AFF2: variants seen among roughly 807,000 people sequenced by gnomAD.
AFF2 encodes the protein ALF transcription elongation factor 2.
A neutral mutation model predicts 76.9 loss-of-function variants in AFF2; 14 were observed. The observed-to-expected ratio is 0.18, with a 90% CI of 0.12 to 0.28. The LOEUF (loss-of-function observed/expected upper bound fraction) is 0.28. Among genes scored for constraint, AFF2 ranks in the 10% least tolerant of loss-of-function variants. The probability of loss-of-function intolerance (pLI) is 1.00; values close to 1 mark genes in which losing one functional copy is unlikely to be tolerated. For synonymous variants in AFF2, 398 were observed against 366.7 expected (o/e 1.09, Z -0.98); for missense variants, 868 against 1,001.1 (o/e 0.87, Z 1.79).
intron 1 of AFF2, among the ~76,000 whole-genome samples, chrX:148,536,120 G>T (rs2052782872): frequency 9.1e-6 from 1 of 109,304 alleles, no homozygotes; most frequent in Non-Finnish European, 1.9e-5. Flanking sequence ...TGAGGCAAGA[G>T]AATCGCTTGA....
intron 7 of AFF2, among the ~76,000 whole-genome samples, chrX:148,850,523 C>T (rs1158485511): frequency 9.0e-6 from 1 of 111,241 alleles, no homozygotes; most frequent in Non-Finnish European, 1.9e-5. Context: ...TGATAACACA[C>T]CCCCACACAC....
chrX:148,777,393 A>G (rs1557268680), intron 3 of AFF2, among the ~76,000 whole-genome samples: 2 of 111,977 alleles, frequency 1.8e-5, no homozygotes, highest in African/African-American at 6.5e-5. Flanking sequence ...TTCTGTGAAG[A>G]AAGTCAATGG....
chrX:148,965,286 TAGG>T (rs782781554), intron 13 of AFF2, among the ~76,000 whole-genome samples: 1 of 112,022 alleles, frequency 8.9e-6, no homozygotes, highest in Non-Finnish European at 1.9e-5. Context: ...ATACAATTAA[TAGG>T]AGTAATTAAC....
At chrX:148,833,341 G>A (rs1174021593) in intron 4 of AFF2, among the ~76,000 whole-genome samples, 1 of 111,525 alleles carries the variant, frequency 9.0e-6, no homozygotes, top group Non-Finnish European at 1.9e-5. Flanking sequence ...GGCTACACAC[G>A]CCTGTAATCC....
intron 1 of AFF2, among the ~76,000 whole-genome samples, chrX:148,632,106 T>C (rs2053987104): frequency 8.9e-6 from 1 of 112,196 alleles, no homozygotes; most frequent in African/African-American, 3.2e-5. Context: ...TGTATTGAAC[T>C]TGAATGTTAA....
chrX:148,571,036 G>C (rs2053223419), intron 1 of AFF2, among the ~76,000 whole-genome samples: 1 of 111,760 alleles, frequency 8.9e-6, no homozygotes, highest in Admixed American at 9.5e-5. Context: ...ATGTGCTGAA[G>C]GTTAAGACTT....
chrX:148,773,132 A>G (rs1201115832), intron 3 of AFF2, among the ~76,000 whole-genome samples: 1 of 111,847 alleles, frequency 8.9e-6, no homozygotes, highest in Non-Finnish European at 1.9e-5. Flanking sequence ...ATTAACAGAA[A>G]GAAAAACACT....
chrX:148,827,620 A>G (rs1176666593), intron 4 of AFF2, among the ~76,000 whole-genome samples: 2 of 111,058 alleles, frequency 1.8e-5, no homozygotes, highest in Non-Finnish European at 3.8e-5. Flanking sequence ...TTTCTGAAAC[A>G]TATAACAAAT....
At chrX:148,715,875 A>C (rs2055019993) in intron 3 of AFF2, among the ~76,000 whole-genome samples, 1 of 111,723 alleles carries the variant, frequency 9.0e-6, no homozygotes, top group African/African-American at 3.3e-5. Flanking sequence ...ACAGGAATAC[A>C]TGATTAAACA....
chrX:148,979,464 A>G (rs1363978599), intron 18 of AFF2, among the ~76,000 whole-genome samples: 1 of 112,257 alleles, frequency 8.9e-6, no homozygotes, highest in Admixed American at 9.4e-5. Context: ...CTTCTGCTTT[A>G]GAAAGTTCTT....
chrX:148,883,712 T>C (rs1433223174), intron 7 of AFF2, among the ~76,000 whole-genome samples: 1 of 111,233 alleles, frequency 9.0e-6, no homozygotes, highest in Non-Finnish European at 1.9e-5. Context: ...CTAGGTTCCA[T>C]GTTTGTCTCC....
At chrX:148,856,941 G>A (rs1375116166) in intron 7 of AFF2, among the ~76,000 whole-genome samples, 3 of 112,312 alleles carry the variant, frequency 2.7e-5, no homozygotes, top group Non-Finnish European at 3.8e-5. Context: ...TGGGCAAATT[G>A]TTCCTGTTGC....
intron 3 of AFF2, among the ~76,000 whole-genome samples, chrX:148,681,650 GAGAA>G (rs782354205): frequency 9.2e-4 from 91 of 98,662 alleles, no homozygotes; most frequent in Non-Finnish European, 1.6e-3. Flanking sequence ...GAAAAAGAAA[GAGAA>G]AGAAAGAAAG....
chrX:148,552,866 T>C (rs2053011040), intron 1 of AFF2, among the ~76,000 whole-genome samples: 1 of 112,099 alleles, frequency 8.9e-6, no homozygotes, highest in Admixed American at 9.4e-5. Context: ...CATCCTTTAC[T>C]TAAAGCCTCT....
At chrX:148,950,630 A>G (rs1164461361) in intron 9 of AFF2, among the ~76,000 whole-genome samples, 1 of 111,904 alleles carries the variant, frequency 8.9e-6, no homozygotes, top group African/African-American at 3.3e-5. Context: ...CTAAGTGTTC[A>G]TTGTCAAAAT....
intron 3 of AFF2, among the ~76,000 whole-genome samples, chrX:148,727,123 CT>C (rs782077848): frequency 8.9e-6 from 1 of 111,777 alleles, no homozygotes; most frequent in African/African-American, 3.3e-5. Context: ...TGGAAATCTG[CT>C]TTTTTTGTTT....
chrX:148,957,226 T>A (rs1282542385), intron 11 of AFF2, among the ~76,000 whole-genome samples: 1 of 111,766 alleles, frequency 8.9e-6, no homozygotes, highest in African/African-American at 3.3e-5. Context: ...GGTACTTTTT[T>A]TAGAGTGATG....
intron 3 of AFF2, among the ~76,000 whole-genome samples, chrX:148,727,705 A>G (rs186575154): frequency 2.7e-5 from 3 of 111,964 alleles, no homozygotes; most frequent in Non-Finnish European, 3.8e-5. Context: ...CTGACTCCCA[A>G]CTCTACCTTT....
chrX:148,876,081 C>T (rs781895347), intron 7 of AFF2, among the ~76,000 whole-genome samples: 2 of 112,158 alleles, frequency 1.8e-5, no homozygotes, highest in African/African-American at 6.5e-5. Flanking sequence ...CATGAGAACA[C>T]ATTTCTCTAG....
Sources: allele counts gnomAD v4.1 joint callset (sites outside exome capture counted in the v4.1 genomes callset), GRCh38; gene constraint gnomAD v4.1.1; transcripts MANE v1.5; gene names NCBI Gene and HGNC (gene_info 2026-07-23, HGNC 2026-07-21).